Variants in LRRC45 observed in about 807,000 individuals in gnomAD.
The protein encoded by LRRC45 is leucine-rich repeat-containing protein 45.
LRRC45 carries 73 observed loss-of-function variants against 85.4 expected under a neutral mutation model. The ratio of observed to expected loss-of-function variants is 0.85; its 90% CI spans 0.71 to 1.04. LRRC45 has a LOEUF of 1.04. Among genes scored for constraint, LRRC45 ranks in the 50% least tolerant of loss-of-function variants. The probability of loss-of-function intolerance (pLI) is 0.00; values close to 1 mark genes in which losing one functional copy is unlikely to be tolerated. For synonymous variants in LRRC45, 429 were observed against 386.0 expected, an observed-to-expected ratio of 1.11 and a Z score of -1.31; for missense variants, 937 against 883.3, an observed-to-expected ratio of 1.06 and a Z score of -0.77.
chr17:82,024,614 A>G, intron 2 of LRRC45, 79 bp from the exon 3 acceptor site: 1 of 1,477,120 alleles, frequency 6.8e-7, no homozygotes, highest in Non-Finnish European at 9.1e-7. Context: ...CCCCTGGCTG[A>G]CCAAGGCCCT....
intron 3 of LRRC45, 49 bp from the exon 4 acceptor site, chr17:82,024,937 AGCCCTGGACCCCAC>A: frequency 6.8e-7 from 1 of 1,466,330 alleles, no homozygotes; most frequent in Admixed American, 2.5e-5. Context: ...CCCGTCCCCA[AGCCCTGGACCCCAC>A]GGGCTAGGCA....
rs1432385524 is a variant in LRRC45 at position 82,029,962 on chromosome 17, G to A, written c.1495-103G>A. 9 of 1,365,456 alleles carry A rather than the reference G, an allele frequency of 6.6e-6. No individual in the cohort carries two copies. In the East Asian group the frequency reaches 1.3e-4, roughly 19 times the overall value. The allele number at this position is 1,365,456 out of a possible 1,614,324, so 84.6% of individuals were successfully genotyped here. On this transcript the variant is annotated intron_variant, in intron 14 of 16. Transcript: ENST00000306688. ...CGGGTTCAGAGTCATAGTAACTAGA[G>A]CAGCCAGTCCTGCAGAGAGGTGGGG...
At position 82,028,011 on chromosome 17, in the gene LRRC45, G is replaced by A. The variant is rs773490993; in HGVS notation, c.912G>A (p.Lys304=). The change falls in exon 9 of 17, where the codon AAG becomes AAA. Residue 304 remains lysine, a splice_region_variant and synonymous_variant. Coordinates refer to ENST00000306688, the MANE Select transcript of LRRC45 (RefSeq NM_144999.4). ...GGGGTGCTGCCCCTCCTTTCTGCAG[G>A]CTGCAGATGACAGAGGCCGCCCTGG... The part of the protein sequence containing the change: ...RHSIINALKA[K]LQMTEAALAL... The A allele has an allele frequency of 1.9e-6, 3 of 1,597,780 alleles. No homozygotes were observed. Among genetic ancestry groups the A allele is most frequent in the Non-Finnish European group, 2.6e-6 (3 of 1,173,396 alleles).
chr17:82,028,246 C>A lies in LRRC45; in HGVS notation c.1060C>A (p.Arg354=). The A allele has an allele frequency of 1.3e-6, 2 of 1,575,424 alleles. No individual in the cohort carries two copies. The highest frequency in any genetic ancestry group is 1.2e-5 in the South Asian group (1 of 86,576). ...GTTCCCCTCCCAGGAAGCTGCAGAG[C>A]GGGAGTCTAAACTCCTCAGAGACTT... ...LKLEQQEAAE[R]ESKLLRDLSA... The change falls in exon 10 of 17, where the codon CGG becomes AGG. Residue 354 remains arginine, a synonymous_variant. Coordinates refer to ENST00000306688, the MANE Select transcript of LRRC45 (RefSeq NM_144999.4).
Position 82,030,838 on chromosome 17 carries a change from T to G in LRRC45, c.*33T>G. ...CGGGAGGACCCGGGCGCAGTAGGAG[T>G]GCATCAGGCGGCGCCCGAGATGGAC... is the stretch of plus-strand genomic sequence containing the variant. On this transcript the variant is annotated 3_prime_UTR_variant, in exon 17 of 17. Transcript: ENST00000306688. 1 of 1,307,100 alleles carries G rather than the reference T, an allele frequency of 7.7e-7. No individual in the cohort carries two copies. Among genetic ancestry groups the G allele is most frequent in the Admixed American group, 3.1e-5 (1 of 32,594 alleles). 81.0% of individuals were successfully genotyped at this position (1,307,100 alleles called of 1,614,324 possible).
chr17:82,030,709 C>G lies in LRRC45; in HGVS notation c.1917C>G (p.Ile639Met). Reference sequence around the variant, plus strand: ...TCCGGGAGGCGGAGATCGCCCGCATCCGGGACGAGGAGGCCCAGAGGGCGA... The same window carrying G: ...TCCGGGAGGCGGAGATCGCCCGCATGCGGGACGAGGAGGCCCAGAGGGCGA... ...LRLREAEIAR[I>M]RDEEAQRASF... Residue 639 changes from isoleucine to methionine, a missense_variant, in exon 17 of 17, where the codon ATC (isoleucine) becomes ATG (methionine). Coordinates refer to ENST00000306688, the MANE Select transcript of LRRC45 (RefSeq NM_144999.4). The G allele has an allele frequency of 6.7e-7, 1 of 1,499,960 alleles. No homozygotes were observed. Among genetic ancestry groups the G allele is most frequent in the South Asian group, 1.3e-5 (1 of 77,156 alleles). 92.9% of individuals were successfully genotyped at this position (1,499,960 alleles called of 1,614,324 possible). A position where few individuals can be genotyped will look rare whatever the true frequency, so the allele number is the denominator to read the frequency against.
At chr17:82,024,590 C>T (rs970403584) in intron 2 of LRRC45, 103 bp from the exon 3 acceptor site, 45 of 1,319,232 alleles carry the variant, frequency 3.4e-5, no homozygotes, top group Non-Finnish European at 4.6e-5. Context: ...CTGCAGGGTG[C>T]ACCCCAGGCT....
At position 82,025,042 on chromosome 17, in the gene LRRC45, CT is replaced by C. The variant is rs1240170440; in HGVS notation, c.398del (p.Phe133SerfsTer34). The C allele has an allele frequency of 6.2e-6, 10 of 1,605,584 alleles. No homozygotes were observed. ...WNSLGTWDDA[F>X]ATFCGGLAAN... ...ACAGCCTGGGCACGTGGGACGATGC[CT>C]TCGCCACCTTCTGCGGGGGCCTGGC... On this transcript the variant is annotated frameshift_variant, in exon 4 of 17. Coordinates refer to ENST00000306688, the MANE Select transcript of LRRC45 (RefSeq NM_144999.4). LOFTEE classifies it high-confidence loss of function.
rs1006754517 is a variant in LRRC45 at position 82,023,381 on chromosome 17, G to T, written c.-263G>T. ...GGGGCTGCAGGCGGGGCAGGGCTGG[G>T]TGGGGGCGCGCGACGCACCTGCCTG... On this transcript the variant is annotated 5_prime_UTR_variant, in exon 1 of 17. Transcript: ENST00000306688. The T allele has an allele frequency of 1.0e-4, 50 of 494,640 alleles. No homozygotes were observed. Among genetic ancestry groups the T allele is most frequent in the African/African-American group, 8.4e-4 (41 of 48,842 alleles). 30.6% of individuals were successfully genotyped at this position (494,640 alleles called of 1,614,324 possible). A position where few individuals can be genotyped will look rare whatever the true frequency, so the allele number is the denominator to read the frequency against.
intron 5 of LRRC45, among the ~76,000 whole-genome samples, chr17:82,025,766 C>T (rs1291285828): frequency 1.3e-5 from 2 of 152,216 alleles, no homozygotes; most frequent in African/African-American, 2.4e-5. Flanking sequence ...CGTTTCACAG[C>T]TGGGGAAGCT....
chr17:82,030,105 T>TGGCGCAGGCACGGGACGA lies in LRRC45; in HGVS notation c.1544_1561dup (p.Ala515_Gln520dup), dbSNP rs1401062332. On this transcript the variant is annotated inframe_insertion, in exon 15 of 17. Coordinates refer to ENST00000306688, the MANE Select transcript of LRRC45 (RefSeq NM_144999.4). The stretch of plus-strand genomic sequence containing the variant: ...CACCTGGAGGACAAGCTGAGACTGC[T>TGGCGCAGGCACGGGACGA]GGCGCAGGCACGGGACGAGGCGCAG... 6.5e-7 allele frequency: 1 copy of TGGCGCAGGCACGGGACGA among 1,547,192 alleles called. No individual in the cohort carries two copies. The highest frequency in any genetic ancestry group is 2.0e-5 in the Admixed American group (1 of 51,078).
At position 82,023,869 on chromosome 17, in the gene LRRC45, C is replaced by T; in HGVS notation, c.220+6C>T. On this transcript the variant is annotated splice_donor_region_variant and intron_variant, in intron 1 of 16. Transcript: ENST00000306688. ...CTGCATGCTCAGCGAGGAAGGTGGG[C>T]AGGCGCGGCGGGGTGGATCCCTCTG... is the stretch of plus-strand genomic sequence containing the variant. The T allele has an allele frequency of 1.9e-6, 3 of 1,551,640 alleles. No homozygotes were observed. Among genetic ancestry groups the T allele is most frequent in the East Asian group, 2.4e-5 (1 of 41,624 alleles).
At position 82,028,147 on chromosome 17, in the gene LRRC45, G is replaced by C; in HGVS notation, c.1047+1G>C. The C allele has an allele frequency of 6.4e-7, 1 of 1,565,252 alleles. No homozygotes were observed. Among genetic ancestry groups the C allele is most frequent in the Non-Finnish European group, 8.7e-7 (1 of 1,155,540 alleles). On this transcript the variant is annotated splice_donor_variant, in intron 9 of 16. Transcript: ENST00000306688. LOFTEE classifies it high-confidence loss of function. ...CAAGGAGCTCAAGCTGGAGCAGCAGGTGGGTGGGCAGGGCTTGAGAGGGGT... is the reference window on the plus strand; with the variant it reads ...CAAGGAGCTCAAGCTGGAGCAGCAGCTGGGTGGGCAGGGCTTGAGAGGGGT...
intron 5 of LRRC45, among the ~76,000 whole-genome samples, chr17:82,026,474 A>G (rs2043368393): frequency 6.6e-6 from 1 of 152,082 alleles, no homozygotes; most frequent in Admixed American, 6.5e-5. Flanking sequence ...CCCACACGGC[A>G]TAGATTCCCA....
At chr17:82,028,181 G>A (rs2043385361) in intron 9 of LRRC45, 35 bp downstream of exon 9, 1 of 1,560,594 alleles carries the variant, frequency 6.4e-7, no homozygotes, top group Non-Finnish European at 8.7e-7. Flanking sequence ...GTGGGCCAAG[G>A]GGTGCGTGGC....
intron 3 of LRRC45, 65 bp from the exon 4 acceptor site, chr17:82,024,935 C>T (rs1011342527): frequency 1.4e-6 from 2 of 1,467,094 alleles, no homozygotes; most frequent in Non-Finnish European, 1.8e-6. Context: ...CACCCGTCCC[C>T]AAGCCCTGGA....
In LRRC45 at chr17:82,025,194, C is replaced by A; in HGVS notation, c.532+16C>A. 6.4e-7 allele frequency: 1 copy of A among 1,573,706 alleles called. No homozygotes were observed. The highest frequency in any genetic ancestry group is 1.2e-5 in the South Asian group (1 of 85,714). On this transcript the variant is annotated intron_variant, in intron 4 of 16. Transcript: ENST00000306688. ...CAGCAGCTGGGTGAGGCCTCCCAGGCGCCCTCAGGCTCCCTCATCCCTCTG... is the reference window on the plus strand; with the variant it reads ...CAGCAGCTGGGTGAGGCCTCCCAGGAGCCCTCAGGCTCCCTCATCCCTCTG...
In LRRC45 at chr17:82,023,599, C is replaced by T. The variant is rs11552878; in HGVS notation, c.-45C>T. The T allele has an allele frequency of 1.4e-6, 2 of 1,459,658 alleles. No individual in the cohort carries two copies. The highest frequency in any genetic ancestry group is 1.8e-6 in the Non-Finnish European group (2 of 1,100,572). 90.4% of individuals were successfully genotyped at this position (1,459,658 alleles called of 1,614,324 possible). A position where few individuals can be genotyped will look rare whatever the true frequency, so the allele number is the denominator to read the frequency against. ...TCCGCACCGCGCGGCTCCCTTTCAGCAGCTGCGGGAGCATGCGGAGGAGGC... is the reference window on the plus strand; with the variant it reads ...TCCGCACCGCGCGGCTCCCTTTCAGTAGCTGCGGGAGCATGCGGAGGAGGC... On this transcript the variant is annotated 5_prime_UTR_variant, in exon 1 of 17. Coordinates refer to ENST00000306688, the MANE Select transcript of LRRC45 (RefSeq NM_144999.4).
In LRRC45 at chr17:82,024,354, C is replaced by T; in HGVS notation, c.282+15C>T. On this transcript the variant is annotated intron_variant, in intron 2 of 16. Transcript: ENST00000306688. ...TGGACTTAAAGGTGAGATACCTGCA[C>T]TCTTGAGTGTCCGAGTGTGCCACCC... 5 of 1,612,052 alleles carry T rather than the reference C, an allele frequency of 3.1e-6. No individual in the cohort carries two copies. The highest frequency in any genetic ancestry group is 2.2e-5 in the East Asian group (1 of 44,878).
Sources: allele counts gnomAD v4.1 joint callset (sites outside exome capture counted in the v4.1 genomes callset), GRCh38; gene constraint gnomAD v4.1.1; transcripts MANE v1.5; gene names NCBI Gene and HGNC (gene_info 2026-07-23, HGNC 2026-07-21).